The following CSMD1 variants were observed in gnomAD, a reference collection of about 807,000 sequenced individuals.
CSMD1 encodes CUB and sushi domain-containing protein 1.
CSMD1 carries 213 observed loss-of-function variants against 417.5 expected under a neutral mutation model. The observed-to-expected ratio is 0.51, with a 90% confidence interval of 0.46 to 0.57. CSMD1 has a LOEUF of 0.57. Among genes scored for constraint, CSMD1 ranks in the 20% least tolerant of loss-of-function variants. The pLI is 0.00. For missense variants in CSMD1, 6,923 were observed against 4,529.7 expected (o/e 1.53, Z -15.17); for synonymous variants, 2,862 against 1,736.8 (o/e 1.65, Z -16.11).
chr8:3,843,861 G>T (rs890844929), intron 5 of CSMD1, among the ~76,000 whole-genome samples: 3 of 152,156 alleles, frequency 2.0e-5, no homozygotes, highest in Non-Finnish European at 1.5e-5. Context: ...AAAGTAAAGA[G>T]GGACAGATAT....
intron 5 of CSMD1, among the ~76,000 whole-genome samples, chr8:3,872,882 AG>A (rs1372141139): frequency 7.2e-5 from 11 of 152,182 alleles, no homozygotes; most frequent in Non-Finnish European, 1.3e-4. Context: ...TGCATTAAAA[AG>A]TGGACAAACA....
intron 2 of CSMD1, among the ~76,000 whole-genome samples, chr8:4,578,293 G>C (rs1435684781): frequency 2.8e-5 from 4 of 142,494 alleles, no homozygotes; most frequent in East Asian, 2.2e-4. Flanking sequence ...CCCGAGTAGA[G>C]TAGCTGGGAT....
chr8:3,658,787 AAT>A (rs1408278751), intron 7 of CSMD1, among the ~76,000 whole-genome samples: 3 of 152,126 alleles, frequency 2.0e-5, no homozygotes, highest in Non-Finnish European at 4.4e-5. Context: ...CACCTCAAAA[AAT>A]AAAAATAAAA....
chr8:2,959,398 C>T (rs933050050), intron 62 of CSMD1, among the ~76,000 whole-genome samples: 1 of 152,170 alleles, frequency 6.6e-6, no homozygotes, highest in African/African-American at 2.4e-5. Context: ...TGCTCCCAGC[C>T]CACTTCCTCT....
intron 12 of CSMD1, among the ~76,000 whole-genome samples, chr8:3,431,515 C>T (rs774476811): frequency 1.3e-5 from 2 of 152,136 alleles, no homozygotes; most frequent in African/African-American, 2.4e-5. Flanking sequence ...CATCCCCATG[C>T]CTTTTTTCCA....
intron 7 of CSMD1, among the ~76,000 whole-genome samples, chr8:3,706,115 C>T (rs1298359136): frequency 2.0e-5 from 3 of 152,248 alleles, no homozygotes; most frequent in Non-Finnish European, 4.4e-5. Flanking sequence ...TACCGTTCGC[C>T]CCGTGTGGTT....
intron 12 of CSMD1, among the ~76,000 whole-genome samples, chr8:3,447,790 G>C (rs77630988): frequency 6.6e-6 from 1 of 152,112 alleles, no homozygotes. Context: ...GTGGATGGAG[G>C]GTGCAGAATT....
rs1217358437 is a variant in CSMD1 at position 3,307,687 on chromosome 8, A to G, written c.3950+8T>C. Reference sequence around the variant, plus strand: ...CTCAAATCACTGAAACCAAAATAAAACAAGTACCTAATGGTCTTTCCTGGG... The same window carrying G: ...CTCAAATCACTGAAACCAAAATAAAGCAAGTACCTAATGGTCTTTCCTGGG... On this transcript the variant is annotated splice_region_variant and intron_variant, in intron 25 of 69. Transcript: ENST00000635120. 1.9e-6 allele frequency: 3 copies of G among 1,612,062 alleles called. No homozygotes were observed. Among genetic ancestry groups the G allele is most frequent in the Non-Finnish European group, 1.7e-6 (2 of 1,179,096 alleles).
chr8:3,266,135 C>T (rs1367826529), intron 26 of CSMD1, among the ~76,000 whole-genome samples: 1 of 151,036 alleles, frequency 6.6e-6, no homozygotes, highest in Non-Finnish European at 1.5e-5. Flanking sequence ...AGAAAGCAGA[C>T]CTGATGTCCT....
chr8:2,970,832 A>G (rs1804397404), intron 57 of CSMD1, among the ~76,000 whole-genome samples: 1 of 152,216 alleles, frequency 6.6e-6, no homozygotes, highest in African/African-American at 2.4e-5. Context: ...AAATTTTACT[A>G]TGGAAATTGT....
At chr8:4,658,758 A>G (rs530239786) in intron 1 of CSMD1, among the ~76,000 whole-genome samples, 7 of 152,256 alleles carry the variant, frequency 4.6e-5, no homozygotes, top group Admixed American at 3.3e-4. Flanking sequence ...TTTCTTCTAT[A>G]TGATTTAAAA....
intron 11 of CSMD1, among the ~76,000 whole-genome samples, chr8:3,478,907 C>CT (rs1431593021): frequency 2.0e-5 from 3 of 152,158 alleles, no homozygotes; most frequent in African/African-American, 7.2e-5. Context: ...GACTGAGTCT[C>CT]TTCCCCACCC....
intron 5 of CSMD1, among the ~76,000 whole-genome samples, chr8:3,943,913 G>C (rs770330110): frequency 6.6e-6 from 1 of 152,070 alleles, no homozygotes; most frequent in Non-Finnish European, 1.5e-5. Flanking sequence ...GCTGAATTAG[G>C]TTCTGAGCCA....
At chr8:3,984,738 TA>T (rs1814184340) in intron 5 of CSMD1, among the ~76,000 whole-genome samples, 1 of 128,714 alleles carries the variant, frequency 7.8e-6, no homozygotes, top group African/African-American at 2.9e-5. Flanking sequence ...TATATATATA[TA>T]TATATATATA....
intron 18 of CSMD1, among the ~76,000 whole-genome samples, chr8:3,385,103 TAA>T (rs1317764271): frequency 6.4e-5 from 6 of 93,162 alleles, no homozygotes; most frequent in African/African-American, 2.1e-4. Flanking sequence ...AATATATATA[TAA>T]ATAAAAATAT....
chr8:3,571,700 G>A (rs945717462), intron 10 of CSMD1, among the ~76,000 whole-genome samples: 1 of 151,966 alleles, frequency 6.6e-6, no homozygotes, highest in African/African-American at 2.4e-5. Flanking sequence ...CCATGCTTGA[G>A]GGTCTTGTGT....
At chr8:4,425,784 C>G (rs556563206) in intron 2 of CSMD1, among the ~76,000 whole-genome samples, 1 of 152,086 alleles carries the variant, frequency 6.6e-6, no homozygotes, top group African/African-American at 2.4e-5. Context: ...CTTGCAGTAG[C>G]AAGTCTTCCT....
chr8:4,333,303 A>T (rs1313222973), intron 3 of CSMD1, among the ~76,000 whole-genome samples: 1 of 152,110 alleles, frequency 6.6e-6, no homozygotes, highest in African/African-American at 2.4e-5. Flanking sequence ...AGCGTCTCAG[A>T]TGCTGTTGAA....
At chr8:4,811,881 T>C (rs1040423933) in intron 1 of CSMD1, among the ~76,000 whole-genome samples, 6 of 152,152 alleles carry the variant, frequency 3.9e-5, no homozygotes, top group African/African-American at 1.2e-4. Context: ...CCTCAAATCA[T>C]AGAACTGTTC....
Sources: allele counts gnomAD v4.1 joint callset (sites outside exome capture counted in the v4.1 genomes callset), GRCh38; gene constraint gnomAD v4.1.1; transcripts MANE v1.5; gene names NCBI Gene and HGNC (gene_info 2026-07-23, HGNC 2026-07-21).